ANO10: variants seen among roughly 807,000 people sequenced by gnomAD.
The protein encoded by ANO10 is anoctamin 10, also known as anoctamin-10.
In ANO10, 77 loss-of-function variants were observed where a neutral mutation model predicts 74.7. The observed-to-expected ratio is 1.03, with a 90% CI of 0.86 to 1.25. ANO10 has a LOEUF of 1.25. Ranked by LOEUF, ANO10 falls within the 50% of genes most tolerant of loss-of-function variation. The probability of loss-of-function intolerance (pLI) is 0.00; values close to 1 mark genes in which losing one functional copy is unlikely to be tolerated. For synonymous variants in ANO10, 279 were observed against 284.9 expected, an observed-to-expected ratio of 0.98 and a Z score of 0.21; for missense variants, 721 against 778.1, an observed-to-expected ratio of 0.93 and a Z score of 0.87.
chr3:43,551,756 T>C (rs577213131), intron 10 of ANO10, among the ~76,000 whole-genome samples: 1 of 152,342 alleles, frequency 6.6e-6, no homozygotes, highest in East Asian at 1.9e-4. Flanking sequence ...TCATTCCTTC[T>C]TTCTTTTGAT....
intron 7 of ANO10, among the ~76,000 whole-genome samples, chr3:43,568,337 A>G (rs1297342258): frequency 6.6e-6 from 1 of 152,198 alleles, no homozygotes; most frequent in Non-Finnish European, 1.5e-5. Flanking sequence ...AAGTGGACCT[A>G]ATAGACATCT....
At chr3:43,411,485 A>G (rs1218533460) in intron 12 of ANO10, among the ~76,000 whole-genome samples, 1 of 152,186 alleles carries the variant, frequency 6.6e-6, no homozygotes, top group Non-Finnish European at 1.5e-5. Flanking sequence ...CAGAAGCCCA[A>G]GAGAATATTA....
chr3:43,679,459 G>T (rs1056927775), intron 1 of ANO10, among the ~76,000 whole-genome samples: 3 of 152,198 alleles, frequency 2.0e-5, no homozygotes, highest in East Asian at 3.9e-4. Context: ...GAACTGGGTA[G>T]AGCCCACCAC....
chr3:43,632,296 T>C (rs147474713), intron 1 of ANO10, among the ~76,000 whole-genome samples: 123 of 152,306 alleles, frequency 8.1e-4, no homozygotes, highest in African/African-American at 2.8e-3. Flanking sequence ...TGGTTCCTGA[T>C]TGGGTTCAGT....
chr3:43,597,120 G>T (rs1192869007), intron 4 of ANO10, among the ~76,000 whole-genome samples: 1 of 152,192 alleles, frequency 6.6e-6, no homozygotes, highest in African/African-American at 2.4e-5. Flanking sequence ...AACAACAGGT[G>T]CTGGAGAGGA....
At chr3:43,395,722 G>C (rs1393451769) in intron 12 of ANO10, among the ~76,000 whole-genome samples, 1 of 150,456 alleles carries the variant, frequency 6.6e-6, no homozygotes, top group African/African-American at 2.5e-5. Flanking sequence ...GCTATTCTAG[G>C]TCCTTTGCAT....
chr3:43,404,178 C>G (rs1412819458), intron 12 of ANO10, among the ~76,000 whole-genome samples: 1 of 152,114 alleles, frequency 6.6e-6, no homozygotes, highest in Admixed American at 6.6e-5. Flanking sequence ...TCCCTGAGGC[C>G]AGAGACTCTG....
At chr3:43,634,194 T>G (rs1286335211) in intron 1 of ANO10, among the ~76,000 whole-genome samples, 2 of 152,070 alleles carry the variant, frequency 1.3e-5, no homozygotes, top group African/African-American at 2.4e-5. Flanking sequence ...TCATGAGTTT[T>G]CCCAGCAGAA....
At chr3:43,621,340 C>T (rs1009429792) in intron 1 of ANO10, among the ~76,000 whole-genome samples, 10 of 152,058 alleles carry the variant, frequency 6.6e-5, no homozygotes, top group African/African-American at 2.2e-4. Context: ...CAGTATGTCC[C>T]AGTCAAAAGC....
At chr3:43,477,847 T>G (rs1056879934) in intron 11 of ANO10, among the ~76,000 whole-genome samples, 1 of 152,144 alleles carries the variant, frequency 6.6e-6, no homozygotes, top group East Asian at 1.9e-4. Flanking sequence ...CCATTATCAC[T>G]TACAATTGGA....
chr3:43,436,294 A>C (rs1374701016), intron 11 of ANO10, among the ~76,000 whole-genome samples: 2 of 152,222 alleles, frequency 1.3e-5, no homozygotes, highest in African/African-American at 2.4e-5. Flanking sequence ...AAAGAAAATA[A>C]GATAAAATAG....
rs2080481996 is a variant in ANO10 at position 43,568,233 on chromosome 3, A to G, written c.1219-2506T>C. Among the ~76,000 whole-genome samples the G allele has an allele frequency of 2.6e-5, 4 of 152,190 alleles. No homozygotes were observed. In the South Asian group the frequency reaches 8.3e-4, roughly 32 times the overall value. On this transcript the variant is annotated intron_variant, in intron 7 of 12. Transcript: ENST00000292246. ...GACTTAAGACTCCCACACATTAATAATGGGAGACTTTAACACCCTACTGTC... is the reference window on the plus strand; with the variant it reads ...GACTTAAGACTCCCACACATTAATAGTGGGAGACTTTAACACCCTACTGTC...
At chr3:43,691,562 C>G (rs890684678) in exon 1 of ANO10, 3 of 152,272 alleles carry the variant, frequency 2.0e-5, no homozygotes, top group African/African-American at 7.2e-5. Context: ...TTCCCGTAGC[C>G]GTAGGAAGGG....
chr3:43,566,679 C>A (rs999993009), intron 7 of ANO10, among the ~76,000 whole-genome samples: 14 of 152,188 alleles, frequency 9.2e-5, no homozygotes, highest in Admixed American at 9.2e-4. Flanking sequence ...ACCAAAAACC[C>A]ATCTGTACAT....
chr3:43,428,817 A>AAAAAC (rs2092938339), intron 12 of ANO10, among the ~76,000 whole-genome samples: 1 of 150,914 alleles, frequency 6.6e-6, no homozygotes, highest in South Asian at 2.1e-4. Flanking sequence ...AAAAAAAAAA[A>AAAAAC]AGTCATTGAA....
chr3:43,590,357 G>T (rs1342209403), intron 4 of ANO10, among the ~76,000 whole-genome samples: 4 of 152,142 alleles, frequency 2.6e-5, no homozygotes, highest in Non-Finnish European at 1.5e-5. Flanking sequence ...ATTTGAAAAA[G>T]CTCTGTCAAA....
At chr3:43,523,663 G>A (rs569000924) in intron 11 of ANO10, among the ~76,000 whole-genome samples, 1 of 152,310 alleles carries the variant, frequency 6.6e-6, no homozygotes, top group South Asian at 2.1e-4. Context: ...CTAGATGGAT[G>A]GTGGTAGATG....
At chr3:43,396,199 C>T (rs895172042) in intron 12 of ANO10, among the ~76,000 whole-genome samples, 8 of 152,082 alleles carry the variant, frequency 5.3e-5, no homozygotes, top group Non-Finnish European at 1.2e-4. Context: ...TCTTTCATCA[C>T]TAAGTATGAC....
intron 12 of ANO10, among the ~76,000 whole-genome samples, chr3:43,389,938 T>C (rs906436165): frequency 6.6e-6 from 1 of 151,382 alleles, no homozygotes; most frequent in East Asian, 1.9e-4. Flanking sequence ...AAACAGCGGG[T>C]TGAGTCAGAG....
Sources: gnomAD v4.1 joint callset for allele counts (sites outside exome capture counted in the v4.1 genomes callset) on GRCh38, gnomAD v4.1.1 for gene constraint, MANE v1.5 for transcripts, NCBI Gene and HGNC (gene_info 2026-07-23, HGNC 2026-07-21) for gene names.